The following SYNPR variants were observed in gnomAD, a reference collection of about 807,000 sequenced individuals.
SYNPR encodes the protein synaptoporin.
Under a neutral mutation model 32.9 loss-of-function variants are expected in SYNPR, and 23 were observed. The ratio of observed to expected loss-of-function variants is 0.70; its 90% CI spans 0.50 to 0.99. The LOEUF is 0.99. SYNPR is among the 50% of genes least tolerant of loss of function. The pLI, the probability that SYNPR is intolerant of heterozygous loss-of-function variation, is 0.00. For missense variants in SYNPR, 318 were observed against 349.3 expected, an observed-to-expected ratio of 0.91 and a Z score of 0.71; for synonymous variants, 146 against 135.9, an observed-to-expected ratio of 1.07 and a Z score of -0.52.
intron 2 of SYNPR, among the ~76,000 whole-genome samples, chr3:63,408,325 AAAGAAAGAAAGAAAGAAAGAAAG>A (rs2088413007): frequency 1.6e-5 from 2 of 127,144 alleles, no homozygotes; most frequent in African/African-American, 6.6e-5. Context: ...GGAAGGAAAG[AAAGAAAGAAAGAAAGAAAGAAAG>A]AAAGAAAGAA....
chr3:63,587,500 A>C (rs1398526769), intron 4 of SYNPR, among the ~76,000 whole-genome samples: 1 of 152,110 alleles, frequency 6.6e-6, no homozygotes, highest in Non-Finnish European at 1.5e-5. Context: ...TTATGTTTTC[A>C]AAGGAGTATT....
At chr3:63,280,421 A>G (rs1407148078) in intron 2 of SYNPR, among the ~76,000 whole-genome samples, 1 of 152,046 alleles carries the variant, frequency 6.6e-6, no homozygotes, top group Non-Finnish European at 1.5e-5. Context: ...ACTCTAAGCT[A>G]TACCAGATCC....
At chr3:63,218,655 G>A in the SYNPR span, among the ~76,000 whole-genome samples, 39 of 152,176 alleles carry the variant, frequency 2.6e-4, no homozygotes, top group East Asian at 1.4e-3. Context: ...TTCGTGATCC[G>A]TCCCGCCTCA....
At chr3:63,606,577 T>G (rs59168516) in intron 4 of SYNPR, among the ~76,000 whole-genome samples, 67,450 of 150,930 alleles carry the variant, frequency 0.45, 15,149 homozygotes, top group Middle Eastern at 0.54. Context: ...ACTACAGTCA[T>G]GCCCCACCAT....
chr3:63,441,080 T>C (rs1700161443), intron 2 of SYNPR, among the ~76,000 whole-genome samples: 1 of 152,190 alleles, frequency 6.6e-6, no homozygotes, highest in Non-Finnish European at 1.5e-5. Context: ...GGCATACAAT[T>C]AGGCTCAAAT....
chr3:63,281,556 G>A (rs530254438), intron 2 of SYNPR, among the ~76,000 whole-genome samples: 2 of 152,230 alleles, frequency 1.3e-5, no homozygotes, highest in South Asian at 4.1e-4. Flanking sequence ...GTTCACAGAT[G>A]GAGCCTTCTT....
At chr3:63,479,280 C>A (rs147108100) in intron 2 of SYNPR, among the ~76,000 whole-genome samples, 1 of 152,142 alleles carries the variant, frequency 6.6e-6, no homozygotes, top group Non-Finnish European at 1.5e-5. Context: ...CAGTAATATT[C>A]GTTAACATTG....
chr3:63,275,370 A>G (rs1217612445), upstream of SYNPR, among the ~76,000 whole-genome samples: 1 of 152,248 alleles, frequency 6.6e-6, no homozygotes, highest in Non-Finnish European at 1.5e-5. Context: ...TTGGAAGCTC[A>G]TACATTTCTG....
At chr3:63,309,037 T>C (rs140204050) in intron 2 of SYNPR, among the ~76,000 whole-genome samples, 66 of 152,108 alleles carry the variant, frequency 4.3e-4, no homozygotes, top group African/African-American at 1.5e-3. Flanking sequence ...ATTTTTTAAA[T>C]TCTTTATTCT....
rs201699129 is a variant in SYNPR at position 63,567,521 on chromosome 3, T to TCA, written c.408+10789_408+10790dup. On this transcript the variant is annotated intron_variant, in intron 4 of 5. Coordinates refer to ENST00000478300, the MANE Select transcript of SYNPR (RefSeq NM_001130003.2). The stretch of plus-strand genomic sequence containing the variant: ...CCTTGAATCCAGAACAAGCACACAC[T>TCA]CACACACACAGCTTTAGCTTCATTG... 1.1e-3 allele frequency among the ~76,000 whole-genome samples: 174 copies of TCA among 152,234 alleles called. 2 individuals are homozygous for TCA. The East Asian group carries it at 0.025, about 22-fold the overall frequency.
At chr3:63,434,191 G>A (rs114438469) in intron 2 of SYNPR, among the ~76,000 whole-genome samples, 2,036 of 152,286 alleles carry the variant, frequency 0.013, 36 homozygotes, top group Non-Finnish European at 0.022. Context: ...TCTGGGTTCT[G>A]GAGGCATAGT....
At chr3:63,532,876 C>T (rs748051799) in intron 3 of SYNPR, among the ~76,000 whole-genome samples, 5 of 152,198 alleles carry the variant, frequency 3.3e-5, no homozygotes, top group Non-Finnish European at 5.9e-5. Flanking sequence ...CTCTACAGGT[C>T]AGGATTAATT....
intron 1 of SYNPR, among the ~76,000 whole-genome samples, chr3:63,249,425 A>G (rs1265851412): frequency 1.3e-5 from 2 of 152,162 alleles, no homozygotes; most frequent in African/African-American, 2.4e-5. Context: ...TTCCAATGCT[A>G]GGATTTTTAT....
intron 4 of SYNPR, among the ~76,000 whole-genome samples, chr3:63,600,986 G>C (rs1700032212): frequency 6.6e-6 from 1 of 152,150 alleles, no homozygotes; most frequent in Non-Finnish European, 1.5e-5. Flanking sequence ...AAGAAAACCT[G>C]CCATGGCTGG....
intron 4 of SYNPR, among the ~76,000 whole-genome samples, chr3:63,604,948 C>G (rs1254932625): frequency 1.3e-5 from 2 of 152,140 alleles, no homozygotes; most frequent in African/African-American, 4.8e-5. Flanking sequence ...TTGATATATT[C>G]TTATGTAATG....
At chr3:63,292,482 T>C (rs1299395450) in intron 2 of SYNPR, among the ~76,000 whole-genome samples, 1 of 152,194 alleles carries the variant, frequency 6.6e-6, no homozygotes, top group Non-Finnish European at 1.5e-5. Context: ...CATTTAGTAA[T>C]AGAAAAAATA....
intron 4 of SYNPR, among the ~76,000 whole-genome samples, chr3:63,602,355 A>G (rs1327700194): frequency 6.6e-6 from 1 of 152,134 alleles, no homozygotes; most frequent in African/African-American, 2.4e-5. Flanking sequence ...TAGTTTAACT[A>G]GTTCCCATTT....
At chr3:63,252,189 C>G (rs1395008246) in intron 1 of SYNPR, among the ~76,000 whole-genome samples, 1 of 152,044 alleles carries the variant, frequency 6.6e-6, no homozygotes, top group Non-Finnish European at 1.5e-5. Flanking sequence ...GCTATGTGTT[C>G]TAAATGTTTC....
intron 5 of SYNPR, among the ~76,000 whole-genome samples, chr3:63,612,531 CTCTT>C (rs1240643774): frequency 6.6e-6 from 1 of 152,164 alleles, no homozygotes; most frequent in Non-Finnish European, 1.5e-5. Context: ...CTTTCAATCT[CTCTT>C]TCTGTTGTCC....
Sources: gnomAD v4.1 joint callset for allele counts (sites outside exome capture counted in the v4.1 genomes callset) on GRCh38, gnomAD v4.1.1 for gene constraint, MANE v1.5 for transcripts, NCBI Gene and HGNC (gene_info 2026-07-23, HGNC 2026-07-21) for gene names.